Variants in C16orf89 observed in about 807,000 individuals in gnomAD.
C16orf89 encodes chromosome 16 open reading frame 89.
A neutral mutation model predicts 41.5 loss-of-function variants in C16orf89; 57 were observed. That is an observed-to-expected ratio of 1.38 (90% CI 1.11 to 1.71). C16orf89 has a LOEUF of 1.71. Among genes scored for constraint, C16orf89 ranks in the 40% most tolerant of loss-of-function variants. The pLI is 0.00. For synonymous variants in C16orf89, 223 were observed against 190.6 expected (o/e 1.17, Z -1.40); for missense variants, 575 against 445.9 (o/e 1.29, Z -2.61).
At chr16:5,057,159 T>C (rs7203046) in intron 4 of C16orf89, among the ~76,000 whole-genome samples, 26,864 of 149,624 alleles carry the variant, frequency 0.18, 2,573 homozygotes, top group East Asian at 0.38. Context: ...ATTGCTTAAA[T>C]CCGGGAGGCA....
intron 7 of C16orf89, among the ~76,000 whole-genome samples, chr16:5,047,335 C>T (rs1227999757): frequency 6.6e-6 from 1 of 152,150 alleles, no homozygotes; most frequent in Non-Finnish European, 1.5e-5. Flanking sequence ...TGTTGAAGTT[C>T]CTGACGCAGG....
chr16:5,065,820 T>G lies in C16orf89; in HGVS notation c.89A>C (p.Glu30Ala), dbSNP rs774439288. The change falls in exon 1 of 8, where the codon GAA (glutamate) becomes GCA (alanine). Residue 30 changes from glutamate to alanine, a missense_variant. Transcript: ENST00000472572. ...SSSLPGLDTA[E>A]SKATIADLIL... ...CAGGTCTGCAATGGTGGCTTTACTT[T>G]CAGCAGTGTCCAGCCCAGGCAGTGA... is the stretch of plus-strand genomic sequence containing the variant. 1 of 1,614,098 alleles carries G rather than the reference T, an allele frequency of 6.2e-7. No individual in the cohort carries two copies. Among genetic ancestry groups the G allele is most frequent in the Non-Finnish European group, 8.5e-7 (1 of 1,180,008 alleles).
chr16:5,065,765 G>A lies in C16orf89; in HGVS notation c.144C>T (p.Val48=), dbSNP rs761596993. ...TTTCAGGCAGCCTCTGTTCTAGGAAGACGGTGGCTCTCTCCAGCGCAGACA... is the reference window on the plus strand; with the variant it reads ...TTTCAGGCAGCCTCTGTTCTAGGAAAACGGTGGCTCTCTCCAGCGCAGACA... ...LILSALERAT[V]FLEQRLPEIN... The change falls in exon 1 of 8, where the codon GTC becomes GTT. Residue 48 remains valine (V), a synonymous_variant. Transcript: ENST00000472572. 6.2e-7 allele frequency: 1 copy of A among 1,614,210 alleles called. No individual in the cohort carries two copies. Among genetic ancestry groups the A allele is most frequent in the Non-Finnish European group, 8.5e-7 (1 of 1,180,002 alleles).
chr16:5,059,406 C>A (rs1418344449), intron 3 of C16orf89, among the ~76,000 whole-genome samples: 3 of 151,722 alleles, frequency 2.0e-5, no homozygotes, highest in African/African-American at 7.3e-5. Flanking sequence ...GAGGAGCTTG[C>A]AGTGAGCCGA....
chr16:5,050,021 C>T lies in C16orf89; in HGVS notation c.869-2057G>A, dbSNP rs534957023. Among the ~76,000 whole-genome samples the T allele has an allele frequency of 7.9e-5, 12 of 152,174 alleles. No homozygotes were observed. In the East Asian group the frequency reaches 2.1e-3, roughly 27 times the overall value. ...GAAAAAGGAACTTTTACAGCTGATACCACTGAAATACAAAGGATCATTAGA... is the reference window on the plus strand; with the variant it reads ...GAAAAAGGAACTTTTACAGCTGATATCACTGAAATACAAAGGATCATTAGA... On this transcript the variant is annotated intron_variant, in intron 6 of 7. Coordinates refer to ENST00000472572, the MANE Select transcript of C16orf89 (RefSeq NM_001098514.3).
chr16:5,055,463 A>T (rs1956479256), intron 5 of C16orf89, 113 bp from the exon 6 acceptor site: 8 of 1,092,364 alleles, frequency 7.3e-6, no homozygotes, highest in Middle Eastern at 2.7e-4. Context: ...TAGGCTTAGG[A>T]GGTGGGCGTT....
chr16:5,056,603 C>T (rs188726886), intron 4 of C16orf89, among the ~76,000 whole-genome samples: 40 of 152,188 alleles, frequency 2.6e-4, no homozygotes, highest in Non-Finnish European at 5.3e-4. Context: ...CGAGCCTGAA[C>T]CCGCGGGCAG....
intron 1 of C16orf89, 47 bp from the exon 2 acceptor site, chr16:5,062,621 C>A: frequency 6.6e-7 from 1 of 1,506,394 alleles, no homozygotes; most frequent in Non-Finnish European, 8.9e-7. Context: ...GAATCGGGAC[C>A]TTTTTTTGCC....
At chr16:5,063,287 G>T (rs1239380721) in intron 1 of C16orf89, among the ~76,000 whole-genome samples, 1 of 152,166 alleles carries the variant, frequency 6.6e-6, no homozygotes, top group Non-Finnish European at 1.5e-5. Context: ...GTCCTCCAGG[G>T]CGACCGGCTC....
At chr16:5,060,206 G>A in intron 3 of C16orf89, 80 bp downstream of exon 3, 1 of 1,472,430 alleles carries the variant, frequency 6.8e-7, no homozygotes. Context: ...CCTAGGGCTT[G>A]GAGAAGGAGG....
At chr16:5,049,602 C>G (rs1377464964) in intron 6 of C16orf89, among the ~76,000 whole-genome samples, 2 of 152,064 alleles carry the variant, frequency 1.3e-5, no homozygotes, top group African/African-American at 4.8e-5. Context: ...TCCTGAATGA[C>G]CAATGAGCAA....
In C16orf89 at chr16:5,044,165, CTCCCGGCCCCCACCTACCCTGGCCT is replaced by C; in HGVS notation, c.*158_*182del. On this transcript the variant is annotated 3_prime_UTR_variant, in exon 8 of 8. Coordinates refer to ENST00000472572, the MANE Select transcript of C16orf89 (RefSeq NM_001098514.3). ...TATTCATCCGTTCACACCTGGGTCC[CTCCCGGCCCCCACCTACCCTGGCCT>C]TGCCTACTCAGGGCTTCCAAGATTG... 5 of 1,361,038 alleles carry C rather than the reference CTCCCGGCCCCCACCTACCCTGGCCT, an allele frequency of 3.7e-6. No homozygotes were observed. Among genetic ancestry groups the C allele is most frequent in the Non-Finnish European group, 4.7e-6 (5 of 1,061,172 alleles). 84.3% of individuals were successfully genotyped at this position (1,361,038 alleles called of 1,614,324 possible).
At chr16:5,053,270 T>G (rs561358461) in intron 6 of C16orf89, among the ~76,000 whole-genome samples, 1 of 152,190 alleles carries the variant, frequency 6.6e-6, no homozygotes, top group South Asian at 2.1e-4. Flanking sequence ...CTCGGGAGGC[T>G]GAGGCAGGAG....
chr16:5,058,520 T>G lies in C16orf89; in HGVS notation c.600A>C (p.Gln200His), dbSNP rs919079326. The change falls in exon 4 of 8, where the codon CAA becomes CAC. Residue 200 changes from glutamine to histidine, a missense_variant. Transcript: ENST00000472572. ...PGCSGYCLSHQLLFFLWARMR... is the reference protein window; with the variant it reads ...PGCSGYCLSHHLLFFLWARMR... Reference sequence around the variant, plus strand: ...TTCTGGCCCAGAGGAAGAAGAGCAGTTGGTGGGACAGGCAGTAGCCTGAGC... The same window carrying G: ...TTCTGGCCCAGAGGAAGAAGAGCAGGTGGTGGGACAGGCAGTAGCCTGAGC... The G allele has an allele frequency of 6.2e-7, 1 of 1,611,274 alleles. No homozygotes were observed. The highest frequency in any genetic ancestry group is 1.7e-5 in the Admixed American group (1 of 59,962).
At chr16:5,046,886 G>A (rs867649682) in intron 7 of C16orf89, among the ~76,000 whole-genome samples, 15 of 152,234 alleles carry the variant, frequency 9.9e-5, no homozygotes, top group Admixed American at 4.6e-4. Flanking sequence ...AGGAAAGAGG[G>A]CACTATTCAT....
intron 4 of C16orf89, among the ~76,000 whole-genome samples, chr16:5,057,105 G>T (rs908648927): frequency 6.6e-6 from 1 of 151,808 alleles, no homozygotes; most frequent in Non-Finnish European, 1.5e-5. Flanking sequence ...GGGCATAGTG[G>T]GACGTGCCTG....
chr16:5,060,160 G>A lies in C16orf89; in HGVS notation c.509+126C>T, dbSNP rs190660387. ...GGGCAGTACCCGGCAGCTACAGGGA[G>A]CTGCACCTGTGTCTGCACAAACCCC... is the stretch of plus-strand genomic sequence containing the variant. On this transcript the variant is annotated intron_variant, in intron 3 of 7. Transcript: ENST00000472572. 203 of 1,193,412 alleles carry A rather than the reference G, an allele frequency of 1.7e-4. No individual in the cohort carries two copies. In the African/African-American group the frequency reaches 2.7e-3, roughly 16 times the overall value. The allele number at this position is 1,193,412 out of a possible 1,614,324, so 73.9% of individuals were successfully genotyped here. A position where few individuals can be genotyped will look rare whatever the true frequency, so the allele number is the denominator to read the frequency against.
intron 6 of C16orf89, among the ~76,000 whole-genome samples, chr16:5,048,657 A>C (rs1247611720): frequency 6.6e-6 from 1 of 152,108 alleles, no homozygotes; most frequent in Non-Finnish European, 1.5e-5. Context: ...AAAGAAAAAG[A>C]CAATAATAAC....
intron 4 of C16orf89, among the ~76,000 whole-genome samples, chr16:5,057,882 C>G (rs1049252288): frequency 3.4e-4 from 52 of 151,960 alleles, no homozygotes; most frequent in African/African-American, 1.2e-3. Flanking sequence ...CTTTTATTCT[C>G]TCTTTCTCTC....
Sources: gnomAD v4.1 joint callset for allele counts (sites outside exome capture counted in the v4.1 genomes callset) on GRCh38, gnomAD v4.1.1 for gene constraint, MANE v1.5 for transcripts, NCBI Gene and HGNC (gene_info 2026-07-23, HGNC 2026-07-21) for gene names.